GALNT3: variants seen among roughly 807,000 people sequenced by gnomAD.
GALNT3 encodes the protein polypeptide N-acetylgalactosaminyltransferase 3, also known as GalNAc transferase 3.
Under a neutral mutation model 69.8 loss-of-function variants are expected in GALNT3, and 51 were observed. The ratio of observed to expected loss-of-function variants is 0.73; its 90% CI spans 0.58 to 0.92. GALNT3 has a LOEUF of 0.92. Among genes scored for constraint, GALNT3 ranks in the 40% least tolerant of loss-of-function variants. The pLI is 0.00. For missense variants in GALNT3, 711 were observed against 760.0 expected (o/e 0.94, Z 0.76); for synonymous variants, 265 against 248.5 (o/e 1.07, Z -0.63).
At chr2:165,761,806 T>C (rs1688553679) in intron 4 of GALNT3, 99 bp downstream of exon 4, 1 of 1,307,220 alleles carries the variant, frequency 7.6e-7, no homozygotes, top group Non-Finnish European at 1.1e-6. Flanking sequence ...TTAAAGAAAA[T>C]GCAATTAGGC....
At position 165,759,491 on chromosome 2, in the gene GALNT3, A is replaced by G. The variant is rs753659298; in HGVS notation, c.918T>C (p.Ile306=). The G allele has an allele frequency of 1.9e-5, 31 of 1,613,976 alleles. No homozygotes were observed. The highest frequency in any genetic ancestry group is 3.3e-5 in the South Asian group (3 of 91,084). The change falls in exon 5 of 11, where the codon ATT becomes ATC. Residue 306 remains isoleucine (I), a synonymous_variant. Coordinates refer to ENST00000392701, the MANE Select transcript of GALNT3 (RefSeq NM_004482.4). ...CAAACGTGTTCAGATCTATGGATGC[A>G]ATATCTGGACTTACGACAGCCGTGT... The part of the protein sequence containing the change: ...ENYTAVVSPD[I]ASIDLNTFEF...
At chr2:165,760,835 T>C (rs960236134) in intron 4 of GALNT3, among the ~76,000 whole-genome samples, 5 of 152,198 alleles carry the variant, frequency 3.3e-5, no homozygotes, top group Non-Finnish European at 7.4e-5. Context: ...AGGGACAAAA[T>C]GACAGTTTAG....
chr2:165,766,609 A>G (rs1319159291), intron 2 of GALNT3, among the ~76,000 whole-genome samples: 1 of 65,394 alleles, frequency 1.5e-5, no homozygotes, highest in Non-Finnish European at 4.9e-5. Context: ...GTTTATGGGA[A>G]AGATAAGCAA....
chr2:165,757,125 G>T lies in GALNT3; in HGVS notation c.1314C>A (p.Arg438=), dbSNP rs1422657825. The change falls in exon 7 of 11, where the codon CGC becomes CGA. Residue 438 remains arginine, a synonymous_variant. Transcript: ENST00000392701. ...GTQVIARNQV[R]LAEVWMDEYK... ...ATTCATCCATCCAGACTTCTGCAAGGCGAACTTGGTTTCTAGCAATCACCT... is the reference window on the plus strand; with the variant it reads ...ATTCATCCATCCAGACTTCTGCAAGTCGAACTTGGTTTCTAGCAATCACCT... 6.2e-7 allele frequency: 1 copy of T among 1,613,988 alleles called. No homozygotes were observed. Among genetic ancestry groups the T allele is most frequent in the Non-Finnish European group, 8.5e-7 (1 of 1,179,960 alleles).
At chr2:165,759,278 A>T in intron 5 of GALNT3, 58 bp downstream of exon 5, 1 of 1,318,660 alleles carries the variant, frequency 7.6e-7, no homozygotes, top group Non-Finnish European at 1.1e-6. Flanking sequence ...AACAGTGTGT[A>T]CATATTCAAT....
At chr2:165,772,842 A>G (rs531907315) in intron 1 of GALNT3, among the ~76,000 whole-genome samples, 1 of 152,338 alleles carries the variant, frequency 6.6e-6, no homozygotes, top group East Asian at 1.9e-4. Context: ...AAGGTCAGTT[A>G]AAGATCAGTT....
At chr2:165,772,522 C>T (rs1231750659) in intron 1 of GALNT3, among the ~76,000 whole-genome samples, 1 of 130,556 alleles carries the variant, frequency 7.7e-6, no homozygotes, top group East Asian at 2.4e-4. Flanking sequence ...GAGGTTAAGG[C>T]TGCATTGGGC....
chr2:165,770,019 A>C, intron 2 of GALNT3, 167 bp downstream of exon 2: 1 of 769,982 alleles, frequency 1.3e-6, no homozygotes, highest in Non-Finnish European at 2.2e-6. Context: ...AGGGATATGT[A>C]GCCTCAATCA....
chr2:165,761,709 G>T (rs1688551404), intron 4 of GALNT3, 196 bp downstream of exon 4: 1 of 722,160 alleles, frequency 1.4e-6, no homozygotes, highest in Non-Finnish European at 2.6e-6. Flanking sequence ...AAGGAGATAA[G>T]AATTCTGCAT....
At chr2:165,762,276 T>C (rs1348660987) in intron 3 of GALNT3, among the ~76,000 whole-genome samples, 2 of 152,200 alleles carry the variant, frequency 1.3e-5, no homozygotes, top group Non-Finnish European at 2.9e-5. Context: ...CTGTAATGCA[T>C]ACTTATTCTG....
intron 9 of GALNT3, among the ~76,000 whole-genome samples, chr2:165,754,392 CTTTTTTT>C (rs137893523): frequency 4.9e-5 from 3 of 61,152 alleles, no homozygotes; most frequent in Non-Finnish European, 6.2e-5. Context: ...GCTCGGCCTC[CTTTTTTT>C]TTTTTTTTTT....
chr2:165,760,579 G>A (rs1252350383), intron 4 of GALNT3, among the ~76,000 whole-genome samples: 1 of 152,166 alleles, frequency 6.6e-6, no homozygotes, highest in Non-Finnish European at 1.5e-5. Flanking sequence ...AAATACCAGA[G>A]GATGGTATTT....
intron 10 of GALNT3, among the ~76,000 whole-genome samples, chr2:165,749,434 C>T (rs1688316805): frequency 1.3e-5 from 2 of 151,996 alleles, no homozygotes; most frequent in Non-Finnish European, 2.9e-5. Context: ...AAAAATATGA[C>T]TGTTGCTAAA....
chr2:165,760,353 T>C (rs1403245289), intron 4 of GALNT3, among the ~76,000 whole-genome samples: 7 of 151,838 alleles, frequency 4.6e-5, no homozygotes, highest in Admixed American at 3.9e-4. Context: ...GGCCAAGGAG[T>C]TTCATGTCAT....
At chr2:165,793,674 CAG>C (rs912523808) in intron 1 of GALNT3, 50 of 152,458 alleles carry the variant, frequency 3.3e-4, no homozygotes, top group African/African-American at 1.2e-3. Context: ...CCCTCCCTCT[CAG>C]GGTCCCCACG....
At chr2:165,751,160 ATAAGT>A (rs1688351727) in intron 9 of GALNT3, among the ~76,000 whole-genome samples, 1 of 152,188 alleles carries the variant, frequency 6.6e-6, no homozygotes, top group African/African-American at 2.4e-5. Flanking sequence ...TAAAGATAAA[ATAAGT>A]TAACATAATT....
At chr2:165,773,774 C>G (rs1336950207) in intron 1 of GALNT3, among the ~76,000 whole-genome samples, 1 of 150,052 alleles carries the variant, frequency 6.7e-6, no homozygotes, top group South Asian at 2.1e-4. Flanking sequence ...TCCAATTTTT[C>G]CAATCCTATG....
At chr2:165,762,921 G>A (rs1230628608) in intron 3 of GALNT3, among the ~76,000 whole-genome samples, 1 of 151,840 alleles carries the variant, frequency 6.6e-6, no homozygotes, top group Non-Finnish European at 1.5e-5. Context: ...AAGTAGCTGG[G>A]ACCACAGGCA....
At chr2:165,763,963 G>T (rs1210246902) in intron 3 of GALNT3, among the ~76,000 whole-genome samples, 1 of 152,150 alleles carries the variant, frequency 6.6e-6, no homozygotes, top group African/African-American at 2.4e-5. Flanking sequence ...ACATTGCTGG[G>T]AGGATAAAAT....
Sources: allele counts gnomAD v4.1 joint callset (sites outside exome capture counted in the v4.1 genomes callset), GRCh38; gene constraint gnomAD v4.1.1; transcripts MANE v1.5; gene names NCBI Gene and HGNC (gene_info 2026-07-23, HGNC 2026-07-21).